NUMB: variants seen among roughly 807,000 people sequenced by gnomAD.
NUMB encodes NUMB endocytic adaptor protein, also known as protein numb homolog.
NUMB carries 29 observed loss-of-function variants against 59.7 expected under a neutral mutation model. That is an observed-to-expected ratio of 0.49 (90% CI 0.36 to 0.66). The LOEUF (loss-of-function observed/expected upper bound fraction) is 0.66. NUMB is among the 30% of genes least tolerant of loss of function. NUMB has a pLI of 0.00. For synonymous variants in NUMB, 288 were observed against 288.2 expected (o/e 1.00, Z 0.01); for missense variants, 723 against 822.0 (o/e 0.88, Z 1.47).
At chr14:73,392,764 A>G (rs956388646) in intron 2 of NUMB, among the ~76,000 whole-genome samples, 1 of 152,224 alleles carries the variant, frequency 6.6e-6, no homozygotes, top group South Asian at 2.1e-4. Context: ...TCTAGCAGGT[A>G]GCAGTTCAAA....
At chr14:73,391,644 C>A (rs1183827205) in intron 2 of NUMB, among the ~76,000 whole-genome samples, 1 of 152,150 alleles carries the variant, frequency 6.6e-6, no homozygotes, top group East Asian at 1.9e-4. Flanking sequence ...CTGGGCCTCA[C>A]CCCTAAGGTT....
intron 1 of NUMB, among the ~76,000 whole-genome samples, chr14:73,441,544 A>G (rs1019490225): frequency 7.9e-5 from 12 of 152,024 alleles, no homozygotes; most frequent in Admixed American, 7.9e-4. Flanking sequence ...TCAAAGAAAA[A>G]AAAATTCTAC....
intron 1 of NUMB, among the ~76,000 whole-genome samples, chr14:73,423,568 G>A (rs972735413): frequency 5.9e-5 from 9 of 152,052 alleles, no homozygotes; most frequent in Non-Finnish European, 1.0e-4. Flanking sequence ...TTGAACCCAG[G>A]AGGTGGAGGT....
intron 2 of NUMB, among the ~76,000 whole-genome samples, chr14:73,374,041 G>C (rs1460889442): frequency 1.3e-5 from 2 of 151,934 alleles, no homozygotes; most frequent in Non-Finnish European, 2.9e-5. Flanking sequence ...GCTAATTTTT[G>C]TATTTTTAGT....
intron 1 of NUMB, among the ~76,000 whole-genome samples, chr14:73,444,801 G>A (rs1472083086): frequency 6.8e-6 from 1 of 148,028 alleles, no homozygotes; most frequent in Non-Finnish European, 1.5e-5. Flanking sequence ...AGGTTGCAGT[G>A]AGCCGAGATC....
chr14:73,457,592 G>C (rs1003606688), intron 1 of NUMB: 5 of 151,996 alleles, frequency 3.3e-5, no homozygotes, highest in Non-Finnish European at 7.3e-5. Flanking sequence ...ACTCCTCTCC[G>C]ACCGAGGGAA....
chr14:73,346,986 G>A (rs1892953807), intron 4 of NUMB, among the ~76,000 whole-genome samples: 1 of 152,130 alleles, frequency 6.6e-6, no homozygotes, highest in African/African-American at 2.4e-5. Context: ...GGAAATCACA[G>A]GTGATTTATT....
At chr14:73,287,378 C>CTTTTG (rs1889088075) in intron 8 of NUMB, 64 bp from the exon 9 acceptor site, 13 of 1,364,462 alleles carry the variant, frequency 9.5e-6, no homozygotes, top group South Asian at 5.4e-5. Context: ...ACAAATAAGT[C>CTTTTG]TTTTGTTTTG....
At chr14:73,427,173 A>T (rs184242673) in intron 1 of NUMB, among the ~76,000 whole-genome samples, 1 of 152,176 alleles carries the variant, frequency 6.6e-6, no homozygotes, top group Non-Finnish European at 1.5e-5. Context: ...CATGACCCAG[A>T]CACAGCTTCA....
chr14:73,414,480 G>A (rs73310913), intron 1 of NUMB, among the ~76,000 whole-genome samples: 13,449 of 152,076 alleles, frequency 0.088, 1,197 homozygotes, highest in African/African-American at 0.21. Flanking sequence ...TGCAACCTCC[G>A]CTTCCTGGCT....
intron 6 of NUMB, among the ~76,000 whole-genome samples, chr14:73,307,578 C>T (rs929359013): frequency 9.2e-5 from 14 of 151,538 alleles, no homozygotes; most frequent in African/African-American, 3.2e-4. Context: ...ACAGAGGGAG[C>T]AAGAGGAAGG....
chr14:73,375,807 T>A (rs1894918074), intron 2 of NUMB, among the ~76,000 whole-genome samples: 1 of 152,062 alleles, frequency 6.6e-6, no homozygotes, highest in African/African-American at 2.4e-5. Flanking sequence ...AAAACAAAAA[T>A]CACATGATCA....
At chr14:73,316,513 G>A in intron 5 of NUMB, 91 bp from the exon 6 acceptor site, 1 of 1,257,472 alleles carries the variant, frequency 8.0e-7, no homozygotes, top group Non-Finnish European at 1.1e-6. Context: ...AGAAATTGGG[G>A]AAAGGAAAAA....
At chr14:73,300,753 G>A (rs571756888) in intron 6 of NUMB, among the ~76,000 whole-genome samples, 5 of 152,224 alleles carry the variant, frequency 3.3e-5, no homozygotes, top group Non-Finnish European at 7.4e-5. Context: ...GAAAATGAAA[G>A]AGATGACTCG....
At chr14:73,350,056 CATAT>C (rs1337187089) in intron 4 of NUMB, among the ~76,000 whole-genome samples, 2 of 132,438 alleles carry the variant, frequency 1.5e-5, no homozygotes, top group Non-Finnish European at 3.2e-5. Flanking sequence ...TACATACATA[CATAT>C]ATACATACAT....
intron 4 of NUMB, among the ~76,000 whole-genome samples, chr14:73,354,489 C>G (rs367809719): frequency 2.9e-5 from 4 of 136,784 alleles, no homozygotes; most frequent in African/African-American, 1.1e-4. Flanking sequence ...CCAGCCTGGG[C>G]GACACAGCAA....
chr14:73,387,772 C>T (rs1352263910), intron 2 of NUMB, among the ~76,000 whole-genome samples: 1 of 148,938 alleles, frequency 6.7e-6, no homozygotes, highest in South Asian at 2.1e-4. Flanking sequence ...AAAAAAAAAC[C>T]AAAAAGGCCA....
Position 73,284,236 on chromosome 14 carries a change from T to C in NUMB, c.794A>G (p.His265Arg), listed in dbSNP as rs116089501. 4 of 1,614,162 alleles carry C rather than the reference T, an allele frequency of 2.5e-6. No individual in the cohort carries two copies. In the East Asian group the frequency reaches 6.7e-5, roughly 27 times the overall value. The change falls in exon 10 of 13, where the codon CAT becomes CGT. Residue 265 changes from histidine to arginine, a missense_variant. By Grantham distance (29) the His-to-Arg change is conservative. Transcript: ENST00000555238. ...GCGAGCAAGCTGTTCAATTGGAGCATGCCGGCGTGGGATGGCATGAGGATT... is the reference window on the plus strand; with the variant it reads ...GCGAGCAAGCTGTTCAATTGGAGCACGCCGGCGTGGGATGGCATGAGGATT... The part of the protein sequence containing the change: ...MNNPHAIPRR[H>R]APIEQLARQG...
intron 2 of NUMB, among the ~76,000 whole-genome samples, chr14:73,367,346 T>G (rs145909546): frequency 0.074 from 6,747 of 90,860 alleles, 198 homozygotes; most frequent in African/African-American, 0.11. Context: ...TATATATATA[T>G]ATAGAGAGAG....
Sources: gnomAD v4.1 joint callset for allele counts (sites outside exome capture counted in the v4.1 genomes callset) on GRCh38, gnomAD v4.1.1 for gene constraint, MANE v1.5 for transcripts, NCBI Gene and HGNC (gene_info 2026-07-23, HGNC 2026-07-21) for gene names.